The following CADM2 variants were observed in gnomAD, a reference collection of about 807,000 sequenced individuals.
The protein encoded by CADM2 is cell adhesion molecule 2.
Under a neutral mutation model 49.8 loss-of-function variants are expected in CADM2, and 12 were observed. The observed-to-expected ratio is 0.24, with a 90% confidence interval of 0.15 to 0.39. The LOEUF (loss-of-function observed/expected upper bound fraction) is 0.39. Ranked by LOEUF, CADM2 falls within the 10% of genes least tolerant of loss-of-function variation. The pLI is 1.00. For missense variants in CADM2, 378 were observed against 492.3 expected (o/e 0.77, Z 2.20); for synonymous variants, 214 against 175.4 (o/e 1.22, Z -1.74).
intron 1 of CADM2, among the ~76,000 whole-genome samples, chr3:85,171,875 T>C (rs1218314462): frequency 6.6e-6 from 1 of 152,190 alleles, no homozygotes; most frequent in African/African-American, 2.4e-5. Flanking sequence ...ATATACATTA[T>C]ATACTGTACC....
chr3:86,044,403 T>G (rs371649546), intron 8 of CADM2, among the ~76,000 whole-genome samples: 1 of 152,182 alleles, frequency 6.6e-6, no homozygotes, highest in Non-Finnish European at 1.5e-5. Flanking sequence ...GGACGAAGGA[T>G]ATGAACAGAC....
chr3:85,518,730 C>T (rs1230022752), intron 1 of CADM2, among the ~76,000 whole-genome samples: 1 of 152,120 alleles, frequency 6.6e-6, no homozygotes, highest in Non-Finnish European at 1.5e-5. Context: ...ACTTTGCCTC[C>T]TCCTTTTTTC....
At chr3:85,603,552 T>A (rs1387514447) in intron 1 of CADM2, among the ~76,000 whole-genome samples, 1 of 151,846 alleles carries the variant, frequency 6.6e-6, no homozygotes, top group African/African-American at 2.4e-5. Context: ...CATTCTTTTT[T>A]TTCCCCAGGG....
chr3:85,789,781 G>A (rs1461485209), intron 2 of CADM2, among the ~76,000 whole-genome samples: 3 of 151,994 alleles, frequency 2.0e-5, no homozygotes, highest in African/African-American at 7.2e-5. Flanking sequence ...TTGTTATGAA[G>A]CCATATATTC....
intron 8 of CADM2, among the ~76,000 whole-genome samples, chr3:86,027,376 A>G (rs904409566): frequency 2.6e-5 from 4 of 152,212 alleles, no homozygotes; most frequent in Non-Finnish European, 4.4e-5. Flanking sequence ...CAAACTGAGG[A>G]AAACCTTCAC....
At chr3:85,881,507 A>G (rs904173301) in intron 3 of CADM2, among the ~76,000 whole-genome samples, 2 of 152,096 alleles carry the variant, frequency 1.3e-5, no homozygotes, top group African/African-American at 2.4e-5. Context: ...TGCTAATTAG[A>G]TTTATTCTAA....
intron 1 of CADM2, among the ~76,000 whole-genome samples, chr3:85,321,907 G>A (rs566102429): frequency 9.2e-5 from 14 of 152,278 alleles, no homozygotes; most frequent in African/African-American, 2.9e-4. Context: ...ATGGAATAGT[G>A]TCCTATATAA....
At chr3:85,253,171 T>A (rs993886505) in intron 1 of CADM2, among the ~76,000 whole-genome samples, 1 of 152,066 alleles carries the variant, frequency 6.6e-6, no homozygotes. Flanking sequence ...ATATTTAGTT[T>A]TCACTTAGCA....
chr3:85,541,775 T>TATATATATATA lies in CADM2; in HGVS notation c.62-184747_62-184746insATATATATATA, dbSNP rs1559897737. Among the ~76,000 whole-genome samples, 38 of 88,306 alleles carry TATATATATATA rather than the reference T, an allele frequency of 4.3e-4. 4 individuals carry two copies. Among genetic ancestry groups the TATATATATATA allele is most frequent in the East Asian group, 2.4e-3 (2 of 818 alleles). The allele number at this position is 88,306 out of a possible 152,430, so 57.9% of individuals were successfully genotyped here. On this transcript the variant is annotated intron_variant, in intron 1 of 9. Coordinates refer to ENST00000383699, the MANE Select transcript of CADM2 (RefSeq NM_001167675.2). ...ATATTTTATATATATATTTTATATT[T>TATATATATATA]TATATATATATATATATATGTATAG...
chr3:86,059,910 C>G (rs1192122334), intron 8 of CADM2, among the ~76,000 whole-genome samples: 1 of 151,950 alleles, frequency 6.6e-6, no homozygotes, highest in East Asian at 1.9e-4. Context: ...AAAAATATTA[C>G]TTTTTTAAAA....
At chr3:85,287,669 A>T (rs1020024015) in intron 1 of CADM2, among the ~76,000 whole-genome samples, 1 of 152,156 alleles carries the variant, frequency 6.6e-6, no homozygotes, top group East Asian at 1.9e-4. Flanking sequence ...ATTATTAATT[A>T]TTAGGAAATT....
At chr3:85,734,651 CT>C (rs2068059615) in intron 2 of CADM2, among the ~76,000 whole-genome samples, 1 of 145,944 alleles carries the variant, frequency 6.9e-6, no homozygotes, top group Admixed American at 6.9e-5. Context: ...CTTTTTCTGC[CT>C]TTTTTCTTTT....
intron 1 of CADM2, among the ~76,000 whole-genome samples, chr3:85,713,605 C>T (rs1262311364): frequency 6.6e-6 from 1 of 152,194 alleles, no homozygotes; most frequent in Non-Finnish European, 1.5e-5. Flanking sequence ...TCAGCTCTTA[C>T]CTACCTATCT....
chr3:85,226,182 G>A (rs60469915), intron 1 of CADM2, among the ~76,000 whole-genome samples: 451 of 151,732 alleles, frequency 3.0e-3, no homozygotes, highest in African/African-American at 0.01. Flanking sequence ...GAATAGTTTC[G>A]GAAGAAATGA....
intron 1 of CADM2, among the ~76,000 whole-genome samples, chr3:85,009,683 C>G (rs565130980): frequency 6.6e-6 from 1 of 151,810 alleles, no homozygotes. Flanking sequence ...CTGGACAACA[C>G]GGTGAAACCC....
At chr3:85,607,419 A>C (rs6797840) in intron 1 of CADM2, among the ~76,000 whole-genome samples, 63,481 of 151,830 alleles carry the variant, frequency 0.42, 15,479 homozygotes, top group Non-Finnish European at 0.54. Context: ...GTAACAGCTT[A>C]AAGAGAGATG....
At chr3:85,025,982 G>A (rs921504476) in intron 1 of CADM2, among the ~76,000 whole-genome samples, 4 of 152,042 alleles carry the variant, frequency 2.6e-5, no homozygotes, top group Admixed American at 6.6e-5. Flanking sequence ...TACTGTTTCC[G>A]CACTTTGCCA....
At chr3:85,652,192 G>A (rs911555575) in intron 1 of CADM2, among the ~76,000 whole-genome samples, 5 of 152,042 alleles carry the variant, frequency 3.3e-5, no homozygotes, top group Admixed American at 6.6e-5. Context: ...TGAGAGCCAA[G>A]AGAGGCAGTG....
chr3:85,370,215 A>AAAT (rs142588684), intron 1 of CADM2, among the ~76,000 whole-genome samples: 36,030 of 134,840 alleles, frequency 0.27, 4,830 homozygotes, highest in Non-Finnish European at 0.29. Flanking sequence ...CTCCTTTTCA[A>AAAT]AATAATAATA....
Sources: allele counts gnomAD v4.1 joint callset (sites outside exome capture counted in the v4.1 genomes callset), GRCh38; gene constraint gnomAD v4.1.1; transcripts MANE v1.5; gene names NCBI Gene and HGNC (gene_info 2026-07-23, HGNC 2026-07-21).